The following STOX2 variants were observed in gnomAD, a reference collection of about 807,000 sequenced individuals.
STOX2 encodes the protein storkhead-box protein 2.
Under a neutral mutation model 60.9 loss-of-function variants are expected in STOX2, and 28 were observed. The ratio of observed to expected loss-of-function variants is 0.46; its 90% confidence interval spans 0.34 to 0.63. The LOEUF is 0.63. STOX2 is among the 30% of genes least tolerant of loss of function. The pLI, the probability that STOX2 is intolerant of heterozygous loss-of-function variation, is 0.01. For synonymous variants in STOX2, 472 were observed against 463.9 expected (o/e 1.02, Z -0.22); for missense variants, 1,024 against 1,187.7 (o/e 0.86, Z 2.03).
chr4:183,950,421 C>T (rs112571519), intron 1 of STOX2, among the ~76,000 whole-genome samples: 3,196 of 152,222 alleles, frequency 0.021, 124 homozygotes, highest in African/African-American at 0.073. Flanking sequence ...AAGAAGGGGA[C>T]CTGGCCTGGG....
chr4:184,011,461 G>T lies in STOX2; in HGVS notation c.2585+38G>T. 1 of 1,590,064 alleles carries T rather than the reference G, an allele frequency of 6.3e-7. No individual in the cohort carries two copies. Among genetic ancestry groups the T allele is most frequent in the Non-Finnish European group, 8.6e-7 (1 of 1,166,852 alleles). On this transcript the variant is annotated intron_variant, in intron 3 of 3. Coordinates refer to ENST00000308497, the MANE Select transcript of STOX2 (RefSeq NM_020225.3). The surrounding 1 kb of genome is among the most constrained non-coding windows in gnomAD (Gnocchi z 4.4). ...GTCTCTGTGCACACACATGCGCCTA[G>T]CGGGGCCTGGGGCTTTATGCACGTA... is the stretch of plus-strand genomic sequence containing the variant.
intron 1 of STOX2, among the ~76,000 whole-genome samples, chr4:183,918,483 G>A (rs920455756): frequency 1.3e-5 from 2 of 152,212 alleles, no homozygotes; most frequent in Non-Finnish European, 2.9e-5. Context: ...AGAAAACTCC[G>A]CTTCTGAGCT....
intron 2 of STOX2, among the ~76,000 whole-genome samples, chr4:184,003,846 T>G (rs1488407048): frequency 6.6e-6 from 1 of 152,240 alleles, no homozygotes; most frequent in Non-Finnish European, 1.5e-5. Flanking sequence ...CTCCAGATTT[T>G]AAACTGGTAT....
At chr4:183,879,959 G>T (rs149576123) in intron 1 of STOX2, among the ~76,000 whole-genome samples, 25 of 152,142 alleles carry the variant, frequency 1.6e-4, no homozygotes, top group African/African-American at 6.0e-4. Context: ...TACAGCCTTA[G>T]GAAAGGAATT....
intron 1 of STOX2, among the ~76,000 whole-genome samples, chr4:183,881,590 A>G (rs1160564067): frequency 6.6e-6 from 1 of 152,226 alleles, no homozygotes; most frequent in Non-Finnish European, 1.5e-5. Flanking sequence ...ACTAAATGGA[A>G]TTTCTTCTGA....
rs575794270 is a variant in STOX2 at position 183,884,376 on chromosome 4, A to G, written c.364+86321A>G. Reference sequence around the variant, plus strand: ...AGGGTCCGGTTTAGTAGCATGAGATAGAAAATATTTTATTGGTTTGGGAGG... The same window carrying G: ...AGGGTCCGGTTTAGTAGCATGAGATGGAAAATATTTTATTGGTTTGGGAGG... On this transcript the variant is annotated intron_variant, in intron 1 of 2. Transcript: ENST00000513034. Among the ~76,000 whole-genome samples the G allele has an allele frequency of 8.5e-5, 13 of 152,060 alleles. 1 individual carries two copies. In the South Asian group the frequency reaches 2.7e-3, roughly 32 times the overall value.
At chr4:183,831,065 C>G (rs545704742) in intron 1 of STOX2, among the ~76,000 whole-genome samples, 3 of 151,536 alleles carry the variant, frequency 2.0e-5, no homozygotes, top group African/African-American at 7.3e-5. Context: ...GACCGAACTC[C>G]GGGCCTGAGC....
intron 1 of STOX2, among the ~76,000 whole-genome samples, chr4:183,992,570 G>A: frequency 6.6e-6 from 1 of 152,238 alleles, no homozygotes; most frequent in African/African-American, 2.4e-5. Context: ...TAAGGAAAAG[G>A]AAGACGTCAT....
At chr4:183,978,423 T>G (rs1732528488) in intron 1 of STOX2, among the ~76,000 whole-genome samples, 1 of 152,222 alleles carries the variant, frequency 6.6e-6, no homozygotes, top group African/African-American at 2.4e-5. Context: ...GTTATGTGGC[T>G]TTATTTCTTG....
chr4:183,966,233 AGAG>A (rs1743562814), intron 1 of STOX2, among the ~76,000 whole-genome samples: 1 of 152,174 alleles, frequency 6.6e-6, no homozygotes, highest in South Asian at 2.1e-4. Flanking sequence ...GCTGGGGAAG[AGAG>A]GAGGTGTGGG....
intron 1 of STOX2, among the ~76,000 whole-genome samples, chr4:183,851,864 A>AAAGGATGAGGGAAAGGATGAGG (rs1740149953): frequency 5.1e-5 from 1 of 19,446 alleles, no homozygotes; most frequent in African/African-American, 2.4e-4. Flanking sequence ...AAAGGATGAG[A>AAAGGATGAGGGAAAGGATGAGG]GAAAGGATGA....
At chr4:183,970,466 A>G (rs906266665) in intron 1 of STOX2, among the ~76,000 whole-genome samples, 19 of 152,094 alleles carry the variant, frequency 1.2e-4, no homozygotes, top group African/African-American at 4.6e-4. Context: ...TTTGCCATTC[A>G]CTGAGAAGGA....
chr4:183,942,806 C>A (rs1742788134), intron 1 of STOX2, among the ~76,000 whole-genome samples: 1 of 151,876 alleles, frequency 6.6e-6, no homozygotes, highest in South Asian at 2.1e-4. Context: ...TAAAAAAAAA[C>A]TTTTTTAATG....
In STOX2 at chr4:183,836,651, G is replaced by A. The variant is rs1361473565; in HGVS notation, c.364+38596G>A. ...CCATGTCCTGGGAAGGGGTGACCTG[G>A]TATTAGTGAGCATCAGCAGTGTCCA... On this transcript the variant is annotated intron_variant, in intron 1 of 2. Coordinates refer to the STOX2 transcript ENST00000513034. The surrounding 1 kb of genome is among the most constrained non-coding windows in gnomAD (Gnocchi z 4.1). Among the ~76,000 whole-genome samples the A allele has an allele frequency of 6.6e-6, 1 of 152,166 alleles. No homozygotes were observed. The highest frequency in any genetic ancestry group is 1.9e-4 in the East Asian group (1 of 5,196).
At chr4:183,895,902 C>T (rs1383085435) in intron 1 of STOX2, among the ~76,000 whole-genome samples, 1 of 152,156 alleles carries the variant, frequency 6.6e-6, no homozygotes, top group Non-Finnish European at 1.5e-5. Flanking sequence ...ACAAGGGCCT[C>T]TAAATCTGCA....
intron 1 of STOX2, among the ~76,000 whole-genome samples, chr4:183,815,219 C>T (rs1042436420): frequency 2.0e-5 from 3 of 151,796 alleles, no homozygotes; most frequent in Non-Finnish European, 4.4e-5. Flanking sequence ...TGGTCTCCAA[C>T]TCAAGCGATC....
chr4:183,827,959 A>G (rs1420786011), intron 1 of STOX2, among the ~76,000 whole-genome samples: 1 of 151,988 alleles, frequency 6.6e-6, no homozygotes, highest in African/African-American at 2.4e-5. Context: ...ACTTAAAAAT[A>G]TCATATTATT....
At chr4:183,919,513 A>G (rs1327635628) in intron 1 of STOX2, among the ~76,000 whole-genome samples, 1 of 152,158 alleles carries the variant, frequency 6.6e-6, no homozygotes, top group East Asian at 1.9e-4. Context: ...TTCCTACGTG[A>G]TAGTGGAGTG....
intron 1 of STOX2, among the ~76,000 whole-genome samples, chr4:183,950,234 C>T (rs915689031): frequency 4.6e-5 from 7 of 152,188 alleles, no homozygotes; most frequent in African/African-American, 9.7e-5. Flanking sequence ...TGTTCACAGA[C>T]GCTTATTGTG....
Sources: gnomAD v4.1 joint callset for allele counts (sites outside exome capture counted in the v4.1 genomes callset) on GRCh38, gnomAD v4.1.1 for gene constraint, Gnocchi (gnomAD v3.1) non-coding constraint, MANE v1.5 for transcripts, NCBI Gene and HGNC (gene_info 2026-07-23, HGNC 2026-07-21) for gene names.